The following ST18 variants were observed in gnomAD, a reference collection of about 807,000 sequenced individuals.
The protein encoded by ST18 is suppression of tumorigenicity 18 protein.
A neutral mutation model predicts 110.0 loss-of-function variants in ST18; 50 were observed. That is an observed-to-expected ratio of 0.45 (90% CI 0.36 to 0.58). The LOEUF (loss-of-function observed/expected upper bound fraction) is 0.58. Among genes scored for constraint, ST18 ranks in the 20% least tolerant of loss-of-function variants. The pLI is 0.00. For missense variants in ST18, 1,306 were observed against 1,280.1 expected (o/e 1.02, Z -0.31); for synonymous variants, 461 against 452.4 (o/e 1.02, Z -0.24).
intron 2 of ST18, among the ~76,000 whole-genome samples, chr8:52,284,424 G>T (rs2095435224): frequency 6.6e-6 from 1 of 152,180 alleles, no homozygotes; most frequent in African/African-American, 2.4e-5. Flanking sequence ...CAGCGTGTAA[G>T]CCCAGAGTTC....
At chr8:52,151,781 A>C (rs2058878237) in intron 15 of ST18, among the ~76,000 whole-genome samples, 1 of 152,240 alleles carries the variant, frequency 6.6e-6, no homozygotes, top group Non-Finnish European at 1.5e-5. Context: ...TTTTCATAAA[A>C]AAATAAAAAA....
At chr8:52,325,292 T>C (rs979779667) in intron 2 of ST18, among the ~76,000 whole-genome samples, 2 of 152,324 alleles carry the variant, frequency 1.3e-5, no homozygotes, top group South Asian at 2.1e-4. Flanking sequence ...TCTGGGTACC[T>C]GAGAAAATGA....
chr8:52,165,449 C>A (rs994582669), intron 11 of ST18, among the ~76,000 whole-genome samples: 4 of 152,214 alleles, frequency 2.6e-5, no homozygotes, highest in African/African-American at 7.2e-5. Context: ...GTTGTGTTTA[C>A]ACTAGACTTC....
At chr8:52,348,535 CTG>C (rs1818758766) in intron 2 of ST18, among the ~76,000 whole-genome samples, 2 of 152,124 alleles carry the variant, frequency 1.3e-5, no homozygotes, top group Admixed American at 1.3e-4. Context: ...GGCATATCAC[CTG>C]AGTTCGAGAC....
intron 2 of ST18, among the ~76,000 whole-genome samples, chr8:52,297,110 G>A (rs1272685324): frequency 6.6e-6 from 1 of 152,208 alleles, no homozygotes; most frequent in Admixed American, 6.5e-5. Context: ...GTGTAGTGCA[G>A]AAAGCTTCAC....
intron 2 of ST18, among the ~76,000 whole-genome samples, chr8:52,395,006 A>G (rs1377072336): frequency 6.6e-6 from 1 of 152,232 alleles, no homozygotes; most frequent in Non-Finnish European, 1.5e-5. Flanking sequence ...CCAGAACCAT[A>G]TGGCAAGGAG....
intron 21 of ST18, among the ~76,000 whole-genome samples, chr8:52,132,577 A>G (rs1481383118): frequency 6.6e-6 from 1 of 152,260 alleles, no homozygotes; most frequent in Non-Finnish European, 1.5e-5. Context: ...CAGACGCTGC[A>G]TAGCACATTA....
At position 52,166,843 on chromosome 8, in the gene ST18, G is replaced by A; in HGVS notation, c.1204+9C>T. 1.9e-6 allele frequency: 3 copies of A among 1,568,988 alleles called. No individual in the cohort carries two copies. Among genetic ancestry groups the A allele is most frequent in the Non-Finnish European group, 2.6e-6 (3 of 1,149,526 alleles). On this transcript the variant is annotated intron_variant, in intron 11 of 25. Coordinates refer to ENST00000689386, the MANE Select transcript of ST18 (RefSeq NM_001352837.2). ...TAAGCAGAAGCTTTGAGGGACAAGTGGTACTCACTTTCCAGGGGAACCCGC... is the reference window on the plus strand; with the variant it reads ...TAAGCAGAAGCTTTGAGGGACAAGTAGTACTCACTTTCCAGGGGAACCCGC...
chr8:52,166,252 C>T (rs924458457), intron 11 of ST18, among the ~76,000 whole-genome samples: 1 of 152,174 alleles, frequency 6.6e-6, no homozygotes, highest in Non-Finnish European at 1.5e-5. Context: ...GGGACTGCCC[C>T]TCCCAGGCTA....
intron 2 of ST18, among the ~76,000 whole-genome samples, chr8:52,310,206 C>CA (rs1391759693): frequency 2.0e-5 from 3 of 152,090 alleles, no homozygotes; most frequent in African/African-American, 4.8e-5. Flanking sequence ...GATGGCCCGG[C>CA]AATTATGAAT....
At chr8:52,174,749 G>A (rs1162641800) in intron 9 of ST18, among the ~76,000 whole-genome samples, 2 of 152,180 alleles carry the variant, frequency 1.3e-5, no homozygotes, top group African/African-American at 4.8e-5. Flanking sequence ...CAGAAAAAGA[G>A]GAGCCCCACT....
At chr8:52,118,738 C>G (rs1283525882) in intron 23 of ST18, among the ~76,000 whole-genome samples, 1 of 152,108 alleles carries the variant, frequency 6.6e-6, no homozygotes, top group Non-Finnish European at 1.5e-5. Context: ...CCACACCCTA[C>G]AGTGGGACAC....
intron 3 of ST18, among the ~76,000 whole-genome samples, chr8:52,226,016 T>C (rs972247049): frequency 1.3e-5 from 2 of 152,210 alleles, no homozygotes; most frequent in Admixed American, 6.5e-5. Context: ...GAAGGTGAGA[T>C]ACTAGAAAAC....
chr8:52,257,649 G>T (rs185328746), intron 2 of ST18, among the ~76,000 whole-genome samples: 45 of 151,914 alleles, frequency 3.0e-4, no homozygotes, highest in Non-Finnish European at 1.2e-4. Context: ...TTTCATTATT[G>T]AGTTGTAGAT....
At chr8:52,250,982 A>G (rs1457597986) in intron 2 of ST18, among the ~76,000 whole-genome samples, 1 of 152,174 alleles carries the variant, frequency 6.6e-6, no homozygotes, top group Non-Finnish European at 1.5e-5. Context: ...GATACTAAAA[A>G]GTCCTGTACA....
In ST18 at chr8:52,142,949, G is replaced by C. The variant is rs1345685649; in HGVS notation, c.2149C>G (p.Leu717Val). The C allele has an allele frequency of 6.2e-7, 1 of 1,613,578 alleles. No homozygotes were observed. Among genetic ancestry groups the C allele is most frequent in the Non-Finnish European group, 8.5e-7 (1 of 1,179,650 alleles). Reference sequence around the variant, plus strand: ...ACTTACGTGATTAGTTCCTTTTTGAGATCTCTTGCATGAAGCTTGGGTTTA... The same window carrying C: ...ACTTACGTGATTAGTTCCTTTTTGACATCTCTTGCATGAAGCTTGGGTTTA... ...SPKPKLHARDLKKELITCPTP... is the reference protein window; with the variant it reads ...SPKPKLHARDVKKELITCPTP... The change falls in exon 17 of 26, where the codon CTC (leucine) becomes GTC (valine). Residue 717 changes from leucine (L) to valine (V), a missense_variant. Leu to Val is a conservative substitution (Grantham distance 32, BLOSUM62 1). Transcript: ENST00000689386.
At chr8:52,186,356 C>A (rs2072213441) in intron 8 of ST18, among the ~76,000 whole-genome samples, 1 of 152,170 alleles carries the variant, frequency 6.6e-6, no homozygotes, top group Non-Finnish European at 1.5e-5. Flanking sequence ...AATGCAAACA[C>A]CTACACTTAG....
chr8:52,125,572 G>C (rs2046704648), intron 23 of ST18, among the ~76,000 whole-genome samples: 1 of 151,972 alleles, frequency 6.6e-6, no homozygotes, highest in Non-Finnish European at 1.5e-5. Context: ...CATCAGCCTC[G>C]ATCCTGGGCT....
Position 52,113,300 on chromosome 8 carries a change from A to C in ST18, c.3042T>G (p.Asn1014Lys). ...GATTGCTGTACATATCTGTGAGTGT[A>C]TTTACATATGCTTCAAAATTCTGCT... ...ISEQNFEAYV[N>K]TLTDMYSNLE... Residue 1014 changes from asparagine to lysine, a missense_variant, in exon 26 of 26, where the codon AAT becomes AAG. Transcript: ENST00000689386. 1 of 1,613,986 alleles carries C rather than the reference A, an allele frequency of 6.2e-7. No individual in the cohort carries two copies. Among genetic ancestry groups the C allele is most frequent in the Non-Finnish European group, 8.5e-7 (1 of 1,179,910 alleles).
Sources: gnomAD v4.1 joint callset for allele counts (sites outside exome capture counted in the v4.1 genomes callset) on GRCh38, gnomAD v4.1.1 for gene constraint, MANE v1.5 for transcripts, NCBI Gene and HGNC (gene_info 2026-07-23, HGNC 2026-07-21) for gene names.